Variants in TUBA3C observed in about 807,000 individuals in gnomAD.
TUBA3C encodes the protein tubulin alpha 3c, also known as tubulin alpha-3C chain.
A neutral mutation model predicts 33.4 loss-of-function variants in TUBA3C; 23 were observed. That is an observed-to-expected ratio of 0.69 (90% CI 0.50 to 0.98). TUBA3C has a LOEUF of 0.98. TUBA3C is among the 50% of genes least tolerant of loss of function. The pLI, the probability that TUBA3C is intolerant of heterozygous loss-of-function variation, is 0.00. For missense variants in TUBA3C, 402 were observed against 616.0 expected, an observed-to-expected ratio of 0.65 and a Z score of 3.68; for synonymous variants, 269 against 250.4, an observed-to-expected ratio of 1.07 and a Z score of -0.70.
At chr13:19,174,678 A>T (rs36216659) in intron 4 of TUBA3C, among the ~76,000 whole-genome samples, 100 of 152,332 alleles carry the variant, frequency 6.6e-4, no homozygotes, top group African/African-American at 2.3e-3. Flanking sequence ...GTTTGTGATG[A>T]AAACAGCAAC....
rs1856756749 is a variant in TUBA3C at position 19,177,324 on chromosome 13, TCG to T, written c.657_658del (p.Glu220AlafsTer25). 1 of 1,613,950 alleles carries T rather than the reference TCG, an allele frequency of 6.2e-7. No homozygotes were observed. The highest frequency in any genetic ancestry group is 1.3e-5 in the African/African-American group (1 of 74,870). The stretch of plus-strand genomic sequence containing the variant: ...ATTGAGGTTGGTGTACGTGGGACGC[TCG>T]ATGTCCAGGTTGCGCCGACATATGT... On this transcript the variant is annotated frameshift_variant, in exon 4 of 5. Coordinates refer to ENST00000400113, the MANE Select transcript of TUBA3C (RefSeq NM_006001.3). LOFTEE classifies it high-confidence loss of function. This position sits in a 1 kb window ranked among gnomAD's most constrained non-coding sequence, Gnocchi z 5.0.
intron 4 of TUBA3C, among the ~76,000 whole-genome samples, chr13:19,174,651 T>TA (rs896157846): frequency 6.6e-5 from 10 of 152,132 alleles, no homozygotes; most frequent in Non-Finnish European, 1.5e-4. Context: ...GGGTTTGATT[T>TA]AAAAAAAGAA....
rs1423147066 is a variant in TUBA3C at position 19,178,304 on chromosome 13, C to A, written c.317G>T (p.Gly106Val). 5.6e-6 allele frequency: 9 copies of A among 1,614,176 alleles called. No individual in the cohort carries two copies. Among genetic ancestry groups the A allele is most frequent in the Non-Finnish European group, 7.6e-6 (9 of 1,180,044 alleles). The change falls in exon 3 of 5, where the codon GGC becomes GTC. Residue 106 changes from glycine (G) to valine (V), a missense_variant. Coordinates refer to ENST00000400113, the MANE Select transcript of TUBA3C (RefSeq NM_006001.3). Reference protein sequence around the residue: ...KEDAANNYARGHYTIGKEIVD... With the variant: ...KEDAANNYARVHYTIGKEIVD... ...GATCTCCTTGCCGATGGTGTAATGG[C>A]CTCTGGCGTAATTATTGGCCGCATC...
At position 19,177,786 on chromosome 13, in the gene TUBA3C, T is replaced by C. The variant is rs1191434340; in HGVS notation, c.376-179A>G. On this transcript the variant is annotated intron_variant, in intron 3 of 4. Transcript: ENST00000400113. This position sits in a 1 kb window ranked among gnomAD's most constrained non-coding sequence, Gnocchi z 5.0. ...ACAAAGATCTACAGACAAATCACCA[T>C]GCATACTTCAGACTAAGACCATTGC... Among the ~76,000 whole-genome samples the C allele has an allele frequency of 6.6e-6, 1 of 151,028 alleles. No homozygotes were observed. Among genetic ancestry groups the C allele is most frequent in the Non-Finnish European group, 1.5e-5 (1 of 67,912 alleles).
At position 19,178,437 on chromosome 13, in the gene TUBA3C, A is replaced by G. The variant is rs1181372858; in HGVS notation, c.227-43T>C. On this transcript the variant is annotated intron_variant, in intron 2 of 4. Coordinates refer to ENST00000400113, the MANE Select transcript of TUBA3C (RefSeq NM_006001.3). The stretch of plus-strand genomic sequence containing the variant: ...TGTACTGTGAATCTTTAAGGCCTAT[A>G]CTCACCAAGATGGACACATTCCAGG... The G allele has an allele frequency of 3.1e-6, 5 of 1,607,734 alleles. No individual in the cohort carries two copies. The Admixed American group carries it at 8.4e-5, about 27-fold the overall frequency.
At position 19,177,248 on chromosome 13, in the gene TUBA3C, G is replaced by A. The variant is rs765529818; in HGVS notation, c.735C>T (p.Asp245=). ...CCGTCAAGTCCACATTCAGGGCCCC[G>A]TCAAATCGCAGGGAGGCCGTGATGG... is the stretch of plus-strand genomic sequence containing the variant. ...VSSITASLRF[D]GALNVDLTEF... Residue 245 remains aspartate, a synonymous_variant, in exon 4 of 5, where the codon GAC becomes GAT. Coordinates refer to ENST00000400113, the MANE Select transcript of TUBA3C (RefSeq NM_006001.3). This position sits in a 1 kb window ranked among gnomAD's most constrained non-coding sequence, Gnocchi z 5.0. 39 of 1,613,966 alleles carry A rather than the reference G, an allele frequency of 2.4e-5. No homozygotes were observed. The highest frequency in any genetic ancestry group is 6.7e-5 in the African/African-American group (5 of 74,890).
At chr13:19,179,707 G>C in intron 1 of TUBA3C, 144 bp from the exon 2 acceptor site, 4 of 1,222,184 alleles carry the variant, frequency 3.3e-6, no homozygotes, top group Non-Finnish European at 4.4e-6. Flanking sequence ...AGGGTTAGGT[G>C]ACTGACCCCT....
intron 1 of TUBA3C, among the ~76,000 whole-genome samples, chr13:19,180,962 A>C (rs1329252765): frequency 9.9e-6 from 1 of 100,896 alleles, no homozygotes; most frequent in Non-Finnish European, 2.1e-5. Flanking sequence ...GAGCCGTTTC[A>C]AAAAAAAAAA....
chr13:19,177,121 C>CG lies in TUBA3C; in HGVS notation c.861dup (p.Val288ArgfsTer3), dbSNP rs771874958. The CG allele has an allele frequency of 9.3e-6, 15 of 1,614,000 alleles. No individual in the cohort carries two copies. The African/African-American group carries it at 1.9e-4, about 20-fold the overall frequency. On this transcript the variant is annotated frameshift_variant, in exon 4 of 5. Coordinates refer to ENST00000400113, the MANE Select transcript of TUBA3C (RefSeq NM_006001.3). LOFTEE classifies it high-confidence loss of function. The surrounding 1 kb of genome is among the most constrained non-coding windows in gnomAD (Gnocchi z 5.0). ...AAGCAGGCATTGGTGATCTCAGCCA[C>CG]GGACAGCTGCTCGTGGTAGGCCTTC...
At position 19,177,334 on chromosome 13, in the gene TUBA3C, G is replaced by C; in HGVS notation, c.649C>G (p.Leu217Val). ...EAIYDICRRN[L>V]DIERPTYTNL... ...GTGTACGTGGGACGCTCGATGTCCA[G>C]GTTGCGCCGACATATGTCATAGATG... Residue 217 changes from leucine (L) to valine (V), a missense_variant, in exon 4 of 5, where the codon CTG becomes GTG. By Grantham distance (32) the Leu-to-Val change is conservative. Coordinates refer to ENST00000400113, the MANE Select transcript of TUBA3C (RefSeq NM_006001.3). The surrounding 1 kb of genome is among the most constrained non-coding windows in gnomAD (Gnocchi z 5.0). 1 of 1,614,158 alleles carries C rather than the reference G, an allele frequency of 6.2e-7. No individual in the cohort carries two copies. Among genetic ancestry groups the C allele is most frequent in the Non-Finnish European group, 8.5e-7 (1 of 1,180,034 alleles).
At chr13:19,178,001 C>T (rs1593261574) in intron 3 of TUBA3C, among the ~76,000 whole-genome samples, 2 of 152,140 alleles carry the variant, frequency 1.3e-5, no homozygotes, top group East Asian at 3.9e-4. Context: ...CAGGCACCAC[C>T]ACGCCTGACT....
chr13:19,177,278 C>G lies in TUBA3C; in HGVS notation c.705G>C (p.Val235=). 1 of 1,614,110 alleles carries G rather than the reference C, an allele frequency of 6.2e-7. No homozygotes were observed. The highest frequency in any genetic ancestry group is 8.5e-7 in the Non-Finnish European group (1 of 1,180,042). The change falls in exon 4 of 5, where the codon GTG becomes GTC. Residue 235 remains valine (V), a synonymous_variant. Coordinates refer to ENST00000400113, the MANE Select transcript of TUBA3C (RefSeq NM_006001.3). The surrounding 1 kb of genome is among the most constrained non-coding windows in gnomAD (Gnocchi z 5.0). ...TNLNRLIGQI[V]SSITASLRFD... is the part of the protein sequence containing the mutation. The stretch of plus-strand genomic sequence containing the variant: ...ATCGCAGGGAGGCCGTGATGGAGGA[C>G]ACGATCTGCCCAATCAGGCGATTGA...
intron 1 of TUBA3C, among the ~76,000 whole-genome samples, chr13:19,181,079 G>GTC (rs1161931304): frequency 4.0e-5 from 6 of 150,426 alleles, no homozygotes; most frequent in African/African-American, 7.3e-5. Context: ...TTGAGGCAGG[G>GTC]TCTCTCTCTG....
rs1428559164 is a variant in TUBA3C at position 19,178,234 on chromosome 13, T to C, written c.375+12A>G. ...TGCAGGACAATGGTCACATGAAGCCTTCTCTTCTTACCAGTTTGCGGATCC... is the reference window on the plus strand; with the variant it reads ...TGCAGGACAATGGTCACATGAAGCCCTCTCTTCTTACCAGTTTGCGGATCC... On this transcript the variant is annotated intron_variant, in intron 3 of 4. Coordinates refer to ENST00000400113, the MANE Select transcript of TUBA3C (RefSeq NM_006001.3). The C allele has an allele frequency of 1.9e-6, 3 of 1,614,036 alleles. No individual in the cohort carries two copies. Among genetic ancestry groups the C allele is most frequent in the African/African-American group, 1.3e-5 (1 of 75,050 alleles).
Position 19,176,725 on chromosome 13 carries a change from C to CAAAAAA in TUBA3C, c.1056+196_1056+201dup, listed in dbSNP as rs55746544. 4.9e-3 allele frequency among the ~76,000 whole-genome samples: 170 copies of CAAAAAA among 34,584 alleles called. 48 individuals are homozygous for CAAAAAA. Among genetic ancestry groups the CAAAAAA allele is most frequent in the African/African-American group, 6.1e-3 (79 of 12,908 alleles). The allele number at this position is 34,584 out of a possible 152,430, so 22.7% of individuals were successfully genotyped here. On this transcript the variant is annotated intron_variant, in intron 4 of 4. Coordinates refer to ENST00000400113, the MANE Select transcript of TUBA3C (RefSeq NM_006001.3). ...TGGGCGACAAAGCTAGACTCTGCCT[C>CAAAAAA]AAAAAAAAAAAAAAAAAAAAAAAAA...
chr13:19,179,278 G>T, intron 2 of TUBA3C, 63 bp downstream of exon 2: 1 of 1,600,560 alleles, frequency 6.2e-7, no homozygotes, highest in Non-Finnish European at 8.5e-7. Flanking sequence ...CCCACATGGG[G>T]CCTTACCGAC....
At chr13:19,179,136 C>A (rs1565972008) in intron 2 of TUBA3C, among the ~76,000 whole-genome samples, 1 of 152,184 alleles carries the variant, frequency 6.6e-6, no homozygotes, top group South Asian at 2.1e-4. Context: ...GCAGCTTTTC[C>A]CTGTAGGCCA....
At chr13:19,176,089 C>T (rs1038514054) in intron 4 of TUBA3C, among the ~76,000 whole-genome samples, 7 of 152,164 alleles carry the variant, frequency 4.6e-5, no homozygotes, top group Non-Finnish European at 7.3e-5. Flanking sequence ...CACTGCACTC[C>T]AGCCTGGGTG....
In TUBA3C at chr13:19,181,821, C is replaced by A. The variant is rs558780935; in HGVS notation, c.-74G>T. 3 of 1,582,118 alleles carry A rather than the reference C, an allele frequency of 1.9e-6. No homozygotes were observed. The highest frequency in any genetic ancestry group is 1.7e-4 in the Middle Eastern group (1 of 5,818). On this transcript the variant is annotated 5_prime_UTR_variant, in exon 1 of 5. Coordinates refer to ENST00000400113, the MANE Select transcript of TUBA3C (RefSeq NM_006001.3). ...CGCCGCTGCAGCTGCGCACGCCCAA[C>A]GACAGCCTCCCGCCGTGCGCTGTCT...
Sources: gnomAD v4.1 joint callset for allele counts (sites outside exome capture counted in the v4.1 genomes callset) on GRCh38, gnomAD v4.1.1 for gene constraint, Gnocchi (gnomAD v3.1) non-coding constraint, MANE v1.5 for transcripts, NCBI Gene and HGNC (gene_info 2026-07-23, HGNC 2026-07-21) for gene names.